The following NRAP variants were observed in gnomAD, a reference collection of about 807,000 sequenced individuals.
NRAP encodes nebulin-related-anchoring protein.
NRAP carries 189 observed loss-of-function variants against 225.9 expected under a neutral mutation model. The observed-to-expected ratio is 0.84, with a 90% CI of 0.74 to 0.94. NRAP has a LOEUF of 0.94. NRAP is among the 40% of genes least tolerant of loss of function. The probability of loss-of-function intolerance (pLI) is 0.00; values close to 1 mark genes in which losing one functional copy is unlikely to be tolerated. For missense variants in NRAP, 2,176 were observed against 2,168.7 expected (o/e 1.00, Z -0.07); for synonymous variants, 769 against 790.7 (o/e 0.97, Z 0.46).
chr10:113,642,698 G>A (rs1172665599), intron 12 of NRAP, among the ~76,000 whole-genome samples: 4 of 152,180 alleles, frequency 2.6e-5, no homozygotes, highest in Admixed American at 1.3e-4. Flanking sequence ...GCAAGGGGAC[G>A]GAGAGGACAG....
chr10:113,608,460 G>C lies in NRAP; in HGVS notation c.3656C>G (p.Thr1219Ser), dbSNP rs781058176. 1.2e-6 allele frequency: 2 copies of C among 1,613,724 alleles called. No individual in the cohort carries two copies. The highest frequency in any genetic ancestry group is 1.7e-5 in the Admixed American group (1 of 60,010). Residue 1219 changes from threonine to serine, a missense_variant, in exon 32 of 42, where the codon ACT becomes AGT. By Grantham distance (58) the Thr-to-Ser change is moderately conservative. Around this residue, in one of 3 missense-constraint regions of NRAP, gnomAD observed 1,708 missense variants for 1,695.5 expected, o/e 1.01. Transcript: ENST00000359988. ...GAATTTCGCATGAAGGAGGTTGGGA[G>C]TGTCTGTCACAGCTGTGTACTTGAA... is the stretch of plus-strand genomic sequence containing the variant. ...HSFKYTAVTDTPNLLHAKFSN... is the reference protein window; with the variant it reads ...HSFKYTAVTDSPNLLHAKFSN...
rs113411292 is a variant in NRAP, at chr10:113,589,715, C to G, written c.5039G>C (p.Arg1680Pro). Residue 1680 changes from arginine (R) to proline (P), a missense_variant, in exon 41 of 42, where the codon CGG (arginine) becomes CCG (proline). Arg to Pro is a moderately radical substitution (Grantham distance 103, BLOSUM62 -2). Transcript: ENST00000359988. Reference sequence around the variant, plus strand: ...CCTTGCGTTGGCCAGTTCCGCAGCCCGCCGAGCCATTTCCACTTTGTAGGA... The same window carrying G: ...CCTTGCGTTGGCCAGTTCCGCAGCCGGCCGAGCCATTTCCACTTTGTAGGA... ...PGSYKVEMAR[R>P]AAELANARGL... 1.9e-6 allele frequency: 3 copies of G among 1,614,144 alleles called. No homozygotes were observed. Among genetic ancestry groups the G allele is most frequent in the Non-Finnish European group, 2.5e-6 (3 of 1,180,036 alleles).
chr10:113,643,498 C>T (rs545030107), intron 11 of NRAP, among the ~76,000 whole-genome samples: 1 of 152,330 alleles, frequency 6.6e-6, no homozygotes, highest in South Asian at 2.1e-4. Flanking sequence ...GATGTATGCA[C>T]ATCTTTATAG....
At chr10:113,637,948 C>A (rs1429012194) in intron 14 of NRAP, among the ~76,000 whole-genome samples, 1 of 151,584 alleles carries the variant, frequency 6.6e-6, no homozygotes, top group Non-Finnish European at 1.5e-5. Context: ...TCATTTTGTG[C>A]TTTTTAGTTA....
At chr10:113,593,890 C>T (rs1372769577) in intron 38 of NRAP, among the ~76,000 whole-genome samples, 1 of 152,240 alleles carries the variant, frequency 6.6e-6, no homozygotes, top group Non-Finnish European at 1.5e-5. Context: ...CAATGCACCC[C>T]AGCTTCTGAG....
intron 4 of NRAP, among the ~76,000 whole-genome samples, chr10:113,654,367 C>A (rs1446009168): frequency 6.6e-6 from 1 of 152,122 alleles, no homozygotes; most frequent in Non-Finnish European, 1.5e-5. Flanking sequence ...CATTTTCTTG[C>A]ACACCATTGC....
intron 37 of NRAP, among the ~76,000 whole-genome samples, chr10:113,596,594 T>C (rs1243097961): frequency 2.0e-5 from 3 of 152,202 alleles, no homozygotes; most frequent in Non-Finnish European, 4.4e-5. Context: ...GCTGTTCCTA[T>C]TTTTTTCTTA....
At chr10:113,600,084 G>A (rs752465684) in intron 35 of NRAP, among the ~76,000 whole-genome samples, 3 of 152,054 alleles carry the variant, frequency 2.0e-5, no homozygotes, top group Non-Finnish European at 4.4e-5. Context: ...AAGACCTTGT[G>A]TAGAGTGGGG....
chr10:113,591,857 T>G lies in NRAP; in HGVS notation c.4644+337A>C, dbSNP rs7091375. Among the ~76,000 whole-genome samples, 1,244 of 152,322 alleles carry G rather than the reference T, an allele frequency of 8.2e-3. 22 individuals carry two copies. Among genetic ancestry groups the G allele is most frequent in the African/African-American group, 0.029 (1,194 of 41,566 alleles). On this transcript the variant is annotated intron_variant, in intron 39 of 41. Coordinates refer to ENST00000359988, the MANE Select transcript of NRAP (RefSeq NM_198060.4). ...GGGCAAAAGCCCTATCTCTTTCTAC[T>G]CTACCACACTGAACTTCAGCTAAAA...
At chr10:113,654,162 C>A (rs1486061149) in intron 4 of NRAP, 37 bp from the exon 5 acceptor site, 2 of 1,172,102 alleles carry the variant, frequency 1.7e-6, no homozygotes, top group Admixed American at 1.7e-5. Context: ...CAAACACATG[C>A]CCCAGACTCC....
At chr10:113,625,618 A>G (rs1214556388) in intron 21 of NRAP, among the ~76,000 whole-genome samples, 4 of 152,124 alleles carry the variant, frequency 2.6e-5, no homozygotes, top group Non-Finnish European at 5.9e-5. Context: ...ATCTGTAAAT[A>G]ATGTGTGTGG....
chr10:113,648,467 C>CTCTCTATATATATATATA (rs749486311), intron 9 of NRAP, among the ~76,000 whole-genome samples: 12 of 87,378 alleles, frequency 1.4e-4, no homozygotes, highest in Non-Finnish European at 1.8e-4. Flanking sequence ...CTCTCTCTCT[C>CTCTCTATATATATATATA]TATATATATA....
intron 24 of NRAP, among the ~76,000 whole-genome samples, chr10:113,620,911 GA>G (rs1847950395): frequency 6.6e-6 from 1 of 152,170 alleles, no homozygotes; most frequent in African/African-American, 2.4e-5. Context: ...CATCCCTTGG[GA>G]CAGTGGCTTT....
intron 38 of NRAP, among the ~76,000 whole-genome samples, chr10:113,594,664 A>G (rs983722289): frequency 1.4e-4 from 22 of 152,382 alleles, no homozygotes; most frequent in African/African-American, 5.0e-4. Flanking sequence ...CAAAAGCATC[A>G]AATGGTCATA....
At chr10:113,609,948 G>A in intron 31 of NRAP, among the ~76,000 whole-genome samples, 1 of 150,032 alleles carries the variant, frequency 6.7e-6, no homozygotes. Flanking sequence ...CATGCAGTCT[G>A]AATGGAGAAT....
rs1290637149 is a variant in NRAP, at chr10:113,623,541, GTCCCTCTTGGC to G, written c.2434_2444del (p.Ala812ProfsTer3). On this transcript the variant is annotated frameshift_variant, in exon 23 of 42. Coordinates refer to ENST00000359988, the MANE Select transcript of NRAP (RefSeq NM_198060.4). LOFTEE classifies it high-confidence loss of function. Reference sequence around the variant, plus strand: ...GGGACAGACTCACCTCGCTAGCCAGGTCCCTCTTGGCTTTGGCTGCCAGGAAGGTCAAGGAA... The same window carrying G: ...GGGACAGACTCACCTCGCTAGCCAGGTTTGGCTGCCAGGAAGGTCAAGGAA... 3.7e-6 allele frequency: 6 copies of G among 1,612,576 alleles called. No homozygotes were observed. In the South Asian group the frequency reaches 6.6e-5, roughly 18 times the overall value.
intron 9 of NRAP, among the ~76,000 whole-genome samples, chr10:113,648,467 C>CTCTCTA (rs749486311): frequency 0.029 from 2,515 of 87,202 alleles, 45 homozygotes; most frequent in Non-Finnish European, 0.034. Context: ...CTCTCTCTCT[C>CTCTCTA]TATATATATA....
chr10:113,647,556 C>T (rs993152355), intron 9 of NRAP, among the ~76,000 whole-genome samples: 4 of 149,428 alleles, frequency 2.7e-5, no homozygotes, highest in Admixed American at 6.7e-5. Flanking sequence ...GTACTGTCTC[C>T]CCCAGTGGTA....
intron 19 of NRAP, 34 bp from the exon 20 acceptor site, chr10:113,629,055 C>G: frequency 6.9e-7 from 1 of 1,444,928 alleles, no homozygotes; most frequent in Non-Finnish European, 9.8e-7. Context: ...TCTCATTGGG[C>G]GCATGGATAG....
Sources: gnomAD v4.1 joint callset for allele counts (sites outside exome capture counted in the v4.1 genomes callset) on GRCh38, gnomAD v4.1.1 for gene constraint, gnomAD v4.1.1 regional missense constraint, MANE v1.5 for transcripts, NCBI Gene and HGNC (gene_info 2026-07-23, HGNC 2026-07-21) for gene names.